SRP9: variants seen among roughly 807,000 people sequenced by gnomAD.
SRP9 encodes the protein signal recognition particle 9 kDa protein.
In SRP9, 2 loss-of-function variants were observed where a neutral mutation model predicts 11.7. The observed-to-expected ratio is 0.17, with a 90% CI of 0.07 to 0.54. The LOEUF (loss-of-function observed/expected upper bound fraction) is 0.54, where lower values mean the gene tolerates loss of function less well. SRP9 is among the 20% of genes least tolerant of loss of function. The pLI, the probability that SRP9 is intolerant of heterozygous loss-of-function variation, is 0.94. For synonymous variants in SRP9, 27 were observed against 35.6 expected (o/e 0.76, Z 0.86); for missense variants, 54 against 108.1 (o/e 0.50, Z 2.22).
chr1:225,783,376 T>C lies in SRP9; in HGVS notation c.141+8T>C. 1 of 1,591,692 alleles carries C rather than the reference T, an allele frequency of 6.3e-7. No homozygotes were observed. The highest frequency in any genetic ancestry group is 8.6e-7 in the Non-Finnish European group (1 of 1,161,564). On this transcript the variant is annotated splice_region_variant and intron_variant, in intron 2 of 2. Coordinates refer to ENST00000304786, the MANE Select transcript of SRP9 (RefSeq NM_003133.6). ...GTAACAGATGATTTAGTTGTAAGTA[T>C]ACATTTTTATTTGTTACATACTTTC...
intron 1 of SRP9, among the ~76,000 whole-genome samples, chr1:225,780,983 C>T (rs1266513974): frequency 2.0e-5 from 3 of 152,202 alleles, no homozygotes; most frequent in Non-Finnish European, 4.4e-5. Context: ...GATATAGTCC[C>T]AACTCCCAGT....
chr1:225,787,925 A>T (rs1665950259), intron 2 of SRP9, among the ~76,000 whole-genome samples: 1 of 152,206 alleles, frequency 6.6e-6, no homozygotes, highest in African/African-American at 2.4e-5. Flanking sequence ...GTTGGGCATG[A>T]TGAGGTTGAA....
chr1:225,778,119 G>T (rs540890177), intron 1 of SRP9, 107 bp downstream of exon 1: 2 of 1,208,014 alleles, frequency 1.7e-6, no homozygotes, highest in East Asian at 2.5e-5. Flanking sequence ...TGCTGGGAAT[G>T]AACACAAATG....
intron 2 of SRP9, among the ~76,000 whole-genome samples, chr1:225,788,363 G>A (rs1033492340): frequency 2.6e-5 from 4 of 151,970 alleles, no homozygotes; most frequent in African/African-American, 9.7e-5. Flanking sequence ...CCCCAACCTG[G>A]GCCACAGAGT....
intron 1 of SRP9, 120 bp downstream of exon 1, chr1:225,778,132 C>A: frequency 9.3e-7 from 1 of 1,077,408 alleles, no homozygotes; most frequent in Non-Finnish European, 1.4e-6. Flanking sequence ...CACAAATGGA[C>A]CCTGCCAAGT....
chr1:225,788,266 G>A (rs1465979843), intron 2 of SRP9, among the ~76,000 whole-genome samples: 1 of 152,078 alleles, frequency 6.6e-6, no homozygotes, highest in Non-Finnish European at 1.5e-5. Flanking sequence ...GTGGTTGTGT[G>A]TGCCTGTAGT....
chr1:225,783,474 T>G, intron 2 of SRP9, 106 bp downstream of exon 2: 1 of 873,156 alleles, frequency 1.1e-6, no homozygotes, highest in Non-Finnish European at 1.8e-6. Context: ...TTAGGATGCT[T>G]ATTTTGCATT....
Position 225,779,176 on chromosome 1 carries a change from G to A in SRP9, c.72+1164G>A, listed in dbSNP as rs145196331. Among the ~76,000 whole-genome samples, 4 of 145,904 alleles carry A rather than the reference G, an allele frequency of 2.7e-5. No homozygotes were observed. In the East Asian group the frequency reaches 8.0e-4, roughly 29 times the overall value. On this transcript the variant is annotated intron_variant, in intron 1 of 2. Coordinates refer to ENST00000304786, the MANE Select transcript of SRP9 (RefSeq NM_003133.6). ...TTTATTTTTTTTGAGACGAAATCTC[G>A]CACTGTCGCCCGGACTGGAGTGCAA...
At chr1:225,789,151 A>C (rs112101541) in intron 2 of SRP9, 89 bp from the exon 3 acceptor site, 2 of 1,552,346 alleles carry the variant, frequency 1.3e-6, no homozygotes, top group Non-Finnish European at 1.7e-6. Context: ...GGTAGGAAAA[A>C]CTCTCAAAAT....
chr1:225,781,096 G>A (rs1665785336), intron 1 of SRP9, among the ~76,000 whole-genome samples: 1 of 152,132 alleles, frequency 6.6e-6, no homozygotes. Flanking sequence ...TGTTCAGAAT[G>A]ATTTTTAGCC....
At chr1:225,781,073 C>T (rs1268087422) in intron 1 of SRP9, among the ~76,000 whole-genome samples, 1 of 152,182 alleles carries the variant, frequency 6.6e-6, no homozygotes, top group Non-Finnish European at 1.5e-5. Context: ...ATGAAGCTAC[C>T]GGATTGTATC....
chr1:225,780,694 A>G (rs1665777729), intron 1 of SRP9, among the ~76,000 whole-genome samples: 1 of 152,192 alleles, frequency 6.6e-6, no homozygotes, highest in Non-Finnish European at 1.5e-5. Flanking sequence ...TCTTTCTGCT[A>G]GGGCTAAAGA....
At chr1:225,778,257 G>T (rs976913474) in intron 1 of SRP9, among the ~76,000 whole-genome samples, 5 of 152,192 alleles carry the variant, frequency 3.3e-5, no homozygotes, top group Admixed American at 2.0e-4. Context: ...CGATCTTCCC[G>T]CCCCAGTCCC....
intron 2 of SRP9, 41 bp downstream of exon 2, chr1:225,783,409 TTTGAG>T: frequency 6.9e-7 from 1 of 1,458,840 alleles, no homozygotes; most frequent in Non-Finnish European, 9.6e-7. Flanking sequence ...TTCAGATTTG[TTTGAG>T]TTAATTATTT....
At chr1:225,778,109 T>C in intron 1 of SRP9, 97 bp downstream of exon 1, 1 of 1,347,544 alleles carries the variant, frequency 7.4e-7, no homozygotes, top group Non-Finnish European at 1.0e-6. Flanking sequence ...TCCCAGGAGG[T>C]GCTGGGAATG....
At chr1:225,787,330 C>T (rs796066848) in intron 2 of SRP9, among the ~76,000 whole-genome samples, 9 of 152,066 alleles carry the variant, frequency 5.9e-5, no homozygotes, top group African/African-American at 7.2e-5. Flanking sequence ...GTCAGGAGTT[C>T]GAGACCAGCC....
At chr1:225,780,498 A>G (rs75889518) in intron 1 of SRP9, among the ~76,000 whole-genome samples, 6 of 152,252 alleles carry the variant, frequency 3.9e-5, no homozygotes, top group East Asian at 3.9e-4. Context: ...ACATATGTTT[A>G]TATGTTACAG....
intron 2 of SRP9, among the ~76,000 whole-genome samples, chr1:225,784,651 C>T (rs1652250189): frequency 1.3e-5 from 2 of 151,738 alleles, no homozygotes; most frequent in Admixed American, 1.3e-4. Flanking sequence ...ACCATCCTGG[C>T]TAACACGGTG....
chr1:225,780,598 AT>A (rs1665776195), intron 1 of SRP9, among the ~76,000 whole-genome samples: 1 of 152,202 alleles, frequency 6.6e-6, no homozygotes, highest in African/African-American at 2.4e-5. Context: ...TAAATGAATG[AT>A]TTTATATCTG....
Sources: allele counts gnomAD v4.1 joint callset (sites outside exome capture counted in the v4.1 genomes callset), GRCh38; gene constraint gnomAD v4.1.1; transcripts MANE v1.5; gene names NCBI Gene and HGNC (gene_info 2026-07-23, HGNC 2026-07-21).